The following KCTD16 variants were observed in gnomAD, a reference collection of about 807,000 sequenced individuals.
KCTD16 encodes potassium channel tetramerization domain containing 16.
KCTD16 carries 13 observed loss-of-function variants against 33.2 expected under a neutral mutation model. The observed-to-expected ratio is 0.39, with a 90% CI of 0.25 to 0.62. The LOEUF is 0.62. KCTD16 is among the 20% of genes least tolerant of loss of function. The pLI is 0.50. For synonymous variants in KCTD16, 197 were observed against 195.3 expected, an observed-to-expected ratio of 1.01 and a Z score of -0.07; for missense variants, 441 against 525.1, an observed-to-expected ratio of 0.84 and a Z score of 1.57.
intron 3 of KCTD16, among the ~76,000 whole-genome samples, chr5:144,342,068 G>A (rs1049966443): frequency 6.6e-6 from 1 of 152,024 alleles, no homozygotes; most frequent in Non-Finnish European, 1.5e-5. Context: ...GCTCTTTTTT[G>A]GTTCCATATG....
chr5:144,469,777 AT>A (rs1754428595), intron 3 of KCTD16, among the ~76,000 whole-genome samples: 1 of 151,956 alleles, frequency 6.6e-6, no homozygotes. Flanking sequence ...AATTCAACAT[AT>A]GTGTTCAGCT....
At chr5:144,381,769 A>G (rs1416242551) in intron 3 of KCTD16, among the ~76,000 whole-genome samples, 1 of 152,198 alleles carries the variant, frequency 6.6e-6, no homozygotes, top group African/African-American at 2.4e-5. Flanking sequence ...ACAATTCAAC[A>G]TGAGATTTGG....
rs565758850 is a variant in KCTD16, at chr5:144,341,666, G to A, written c.833-131994G>A. Among the ~76,000 whole-genome samples the A allele has an allele frequency of 2.0e-5, 3 of 152,270 alleles. No individual in the cohort carries two copies. In the South Asian group the frequency reaches 6.2e-4, roughly 32 times the overall value. On this transcript the variant is annotated intron_variant, in intron 3 of 3. Transcript: ENST00000512467. ...TGCACAAGTTCACCGATTCCCAACT[G>A]GTTGATTCAATGCATTACAAGAGAG...
intron 3 of KCTD16, among the ~76,000 whole-genome samples, chr5:144,307,834 A>T (rs989757457): frequency 1.3e-5 from 2 of 152,222 alleles, no homozygotes; most frequent in Non-Finnish European, 2.9e-5. Flanking sequence ...AGCCAAGAAG[A>T]TTGCCTAATA....
intron 3 of KCTD16, among the ~76,000 whole-genome samples, chr5:144,398,537 C>G (rs1457188992): frequency 6.6e-6 from 1 of 152,154 alleles, no homozygotes; most frequent in South Asian, 2.1e-4. Context: ...CATTAAGTCC[C>G]TCCAGCATGA....
chr5:144,226,138 G>C (rs1020140468), intron 3 of KCTD16, among the ~76,000 whole-genome samples: 1 of 152,166 alleles, frequency 6.6e-6, no homozygotes, highest in Non-Finnish European at 1.5e-5. Context: ...CTGATTGAGT[G>C]CAAGTCACCC....
At chr5:144,473,593 G>C in intron 3 of KCTD16, 67 bp from the exon 4 acceptor site, 1 of 1,364,068 alleles carries the variant, frequency 7.3e-7, no homozygotes, top group Non-Finnish European at 1.0e-6. Flanking sequence ...GTATGTCCAA[G>C]TGCTATACTG....
At chr5:144,314,847 T>C (rs576870164) in intron 3 of KCTD16, among the ~76,000 whole-genome samples, 9 of 152,286 alleles carry the variant, frequency 5.9e-5, no homozygotes, top group African/African-American at 2.2e-4. Context: ...CAAAATCTGA[T>C]AGGCTAATAA....
At chr5:144,375,745 G>C (rs145643056) in intron 3 of KCTD16, among the ~76,000 whole-genome samples, 2 of 152,132 alleles carry the variant, frequency 1.3e-5, no homozygotes, top group Non-Finnish European at 2.9e-5. Flanking sequence ...AAACCAAGAT[G>C]TGCTTCCTAG....
intron 3 of KCTD16, among the ~76,000 whole-genome samples, chr5:144,433,416 T>C (rs542369327): frequency 2.9e-4 from 44 of 152,240 alleles, no homozygotes; most frequent in South Asian, 1.0e-3. Flanking sequence ...CATGAATCCA[T>C]GGTAGTGCAG....
At chr5:144,362,330 T>C (rs903731803) in intron 3 of KCTD16, among the ~76,000 whole-genome samples, 6 of 152,276 alleles carry the variant, frequency 3.9e-5, no homozygotes, top group African/African-American at 1.4e-4. Flanking sequence ...GAGGAAGATA[T>C]GTTCATTTAC....
At chr5:144,381,105 C>T (rs996441942) in intron 3 of KCTD16, among the ~76,000 whole-genome samples, 1 of 151,872 alleles carries the variant, frequency 6.6e-6, no homozygotes, top group Non-Finnish European at 1.5e-5. Flanking sequence ...AACAAATTAA[C>T]AAGGAAAAAA....
At chr5:144,401,258 A>G (rs189802907) in intron 3 of KCTD16, among the ~76,000 whole-genome samples, 13 of 152,306 alleles carry the variant, frequency 8.5e-5, no homozygotes, top group Non-Finnish European at 1.5e-4. Context: ...AATCATATGA[A>G]ATTTTTAACA....
intron 3 of KCTD16, among the ~76,000 whole-genome samples, chr5:144,246,643 G>C (rs1170202781): frequency 6.6e-6 from 1 of 152,128 alleles, no homozygotes; most frequent in African/African-American, 2.4e-5. Context: ...ATCACCAAAT[G>C]ATAATTTAAC....
At chr5:144,242,008 C>T (rs765304263) in intron 3 of KCTD16, among the ~76,000 whole-genome samples, 27 of 152,176 alleles carry the variant, frequency 1.8e-4, no homozygotes, top group Non-Finnish European at 3.7e-4. Context: ...CCCTACTTTA[C>T]TCACTTTCTC....
At chr5:144,343,117 C>T (rs1335404032) in intron 3 of KCTD16, among the ~76,000 whole-genome samples, 1 of 152,174 alleles carries the variant, frequency 6.6e-6, no homozygotes, top group Non-Finnish European at 1.5e-5. Flanking sequence ...AGGATTCCCT[C>T]TTTTTCTATT....
intron 3 of KCTD16, among the ~76,000 whole-genome samples, chr5:144,466,243 T>TG (rs1481056026): frequency 6.6e-6 from 1 of 150,848 alleles, no homozygotes; most frequent in African/African-American, 2.4e-5. Flanking sequence ...GCTAGGGTTT[T>TG]TTTTTTTTTT....
intron 3 of KCTD16, among the ~76,000 whole-genome samples, chr5:144,347,141 G>A (rs1471468496): frequency 6.6e-6 from 1 of 152,186 alleles, no homozygotes; most frequent in Non-Finnish European, 1.5e-5. Context: ...ACTGTTCAAT[G>A]TAGTATCCTC....
intron 3 of KCTD16, among the ~76,000 whole-genome samples, chr5:144,372,087 T>A (rs772689225): frequency 1.3e-5 from 2 of 152,154 alleles, no homozygotes; most frequent in Non-Finnish European, 2.9e-5. Flanking sequence ...GTCGGGAGGT[T>A]GCTCATTCAT....
Sources: allele counts gnomAD v4.1 joint callset (sites outside exome capture counted in the v4.1 genomes callset), GRCh38; gene constraint gnomAD v4.1.1; transcripts MANE v1.5; gene names NCBI Gene and HGNC (gene_info 2026-07-23, HGNC 2026-07-21).